Variants in SHISA9 observed in about 807,000 individuals in gnomAD.
SHISA9 encodes protein shisa-9.
SHISA9 carries 13 observed loss-of-function variants against 38.0 expected under a neutral mutation model. That is an observed-to-expected ratio of 0.34 (90% CI 0.22 to 0.54). SHISA9 has a LOEUF of 0.54. Among genes scored for constraint, SHISA9 ranks in the 20% least tolerant of loss-of-function variants. The probability of loss-of-function intolerance (pLI) is 0.91; values close to 1 mark genes in which losing one functional copy is unlikely to be tolerated. For missense variants in SHISA9, 538 were observed against 575.8 expected (o/e 0.93, Z 0.67); for synonymous variants, 275 against 242.0 (o/e 1.14, Z -1.27).
chr16:13,169,339 G>A (rs1019806119), intron 2 of SHISA9, among the ~76,000 whole-genome samples: 18 of 152,148 alleles, frequency 1.2e-4, no homozygotes, highest in South Asian at 1.0e-3. Context: ...AGACAGATGC[G>A]TTCCCTTTTC....
At chr16:12,982,900 G>A (rs1411204224) in intron 2 of SHISA9, among the ~76,000 whole-genome samples, 2 of 152,190 alleles carry the variant, frequency 1.3e-5, no homozygotes, top group Non-Finnish European at 2.9e-5. Flanking sequence ...CTCGCTTCTA[G>A]CTGTCCTGAT....
At chr16:13,426,952 A>G in the SHISA9 span, among the ~76,000 whole-genome samples, 1 of 152,146 alleles carries the variant, frequency 6.6e-6, no homozygotes. Flanking sequence ...CAACCCCCAA[A>G]TCCTGGAGGC....
intron 2 of SHISA9, among the ~76,000 whole-genome samples, chr16:13,094,828 C>T (rs2073809894): frequency 6.6e-6 from 1 of 152,120 alleles, no homozygotes; most frequent in African/African-American, 2.4e-5. Context: ...GCTGTGTATC[C>T]TTGGGCAATT....
the SHISA9 span, among the ~76,000 whole-genome samples, chr16:13,453,479 A>G: frequency 6.6e-6 from 1 of 152,026 alleles, no homozygotes; most frequent in Non-Finnish European, 1.5e-5. Flanking sequence ...GGCTTTGCTC[A>G]CTCTTGAATC....
At chr16:13,170,981 TAAAA>T (rs902145972) in intron 2 of SHISA9, among the ~76,000 whole-genome samples, 2 of 151,602 alleles carry the variant, frequency 1.3e-5, no homozygotes, top group Non-Finnish European at 2.9e-5. Flanking sequence ...AAGGAAAAAA[TAAAA>T]AAAGAAAAAG....
chr16:12,957,393 G>A (rs1253599415), intron 2 of SHISA9, among the ~76,000 whole-genome samples: 1 of 152,158 alleles, frequency 6.6e-6, no homozygotes, highest in East Asian at 1.9e-4. Context: ...TCCGGAGGCT[G>A]GAAGTCTGAG....
At chr16:12,981,278 A>G (rs1252398710) in intron 2 of SHISA9, among the ~76,000 whole-genome samples, 1 of 152,168 alleles carries the variant, frequency 6.6e-6, no homozygotes, top group Non-Finnish European at 1.5e-5. Flanking sequence ...CAGAACTTTT[A>G]CCCAGCCCTG....
At chr16:12,979,516 T>C (rs1330201921) in intron 2 of SHISA9, among the ~76,000 whole-genome samples, 2 of 152,202 alleles carry the variant, frequency 1.3e-5, no homozygotes, top group South Asian at 2.1e-4. Flanking sequence ...TCTAACCACA[T>C]AGTTTTGTAT....
chr16:12,921,111 G>T (rs1211612665), intron 2 of SHISA9, among the ~76,000 whole-genome samples: 3 of 152,192 alleles, frequency 2.0e-5, no homozygotes, highest in African/African-American at 7.2e-5. Flanking sequence ...ATAGGACAAA[G>T]ACTTTCATAT....
At chr16:13,243,037 G>A (rs369057110), downstream of SHISA9, among the ~76,000 whole-genome samples, 16 of 152,116 alleles carry the variant, frequency 1.1e-4, no homozygotes, top group South Asian at 2.7e-3. Context: ...TCAGGAGTTC[G>A]AGACCAGCCT....
At chr16:13,463,351 G>A in the SHISA9 span, among the ~76,000 whole-genome samples, 4 of 152,186 alleles carry the variant, frequency 2.6e-5, no homozygotes, top group Non-Finnish European at 4.4e-5. Flanking sequence ...GAGAGGCAGC[G>A]TGCAGGTGGA....
the SHISA9 span, among the ~76,000 whole-genome samples, chr16:13,381,525 T>C: frequency 1.3e-5 from 2 of 152,222 alleles, no homozygotes; most frequent in Admixed American, 6.5e-5. Context: ...AGTCATTTAA[T>C]GAACAAGTTA....
the SHISA9 span, among the ~76,000 whole-genome samples, chr16:13,556,384 G>A: frequency 7.2e-5 from 11 of 152,074 alleles, no homozygotes; most frequent in Non-Finnish European, 1.6e-4. Context: ...GAATCATTCC[G>A]CTTTTCACTT....
At chr16:13,441,765 T>C in the SHISA9 span, among the ~76,000 whole-genome samples, 3 of 152,134 alleles carry the variant, frequency 2.0e-5, no homozygotes, top group Non-Finnish European at 2.9e-5. Context: ...GCCGTCCCTA[T>C]TGAAGTCACC....
At chr16:13,401,318 C>T in the SHISA9 span, among the ~76,000 whole-genome samples, 3 of 152,202 alleles carry the variant, frequency 2.0e-5, no homozygotes, top group African/African-American at 7.2e-5. Flanking sequence ...CATCCAGGCA[C>T]ACTGGAGGAG....
the SHISA9 span, among the ~76,000 whole-genome samples, chr16:13,554,512 CTT>C: frequency 7.4e-6 from 1 of 134,552 alleles, no homozygotes; most frequent in Non-Finnish European, 1.6e-5. Flanking sequence ...CTTTTCTTCT[CTT>C]TCTTTTTTTT....
rs1357655536 is a variant in SHISA9 at position 13,196,351 on chromosome 16, T to C, written c.692-7043T>C. On this transcript the variant is annotated intron_variant, in intron 2 of 4. Transcript: ENST00000558583. Reference sequence around the variant, plus strand: ...GGCGGAGCTTGCAGTGAGCCGAGATTGCACCACTGCACTCCAGCCTGGGCG... The same window carrying C: ...GGCGGAGCTTGCAGTGAGCCGAGATCGCACCACTGCACTCCAGCCTGGGCG... Among the ~76,000 whole-genome samples the C allele has an allele frequency of 2.8e-5, 4 of 142,498 alleles. No individual in the cohort carries two copies. The East Asian group carries it at 8.3e-4, about 30-fold the overall frequency. 93.5% of individuals were successfully genotyped at this position (142,498 alleles called of 152,430 possible). A position where few individuals can be genotyped will look rare whatever the true frequency, so the allele number is the denominator to read the frequency against.
chr16:12,925,846 C>CT (rs1007149799), intron 2 of SHISA9, among the ~76,000 whole-genome samples: 19 of 152,008 alleles, frequency 1.2e-4, no homozygotes, highest in Admixed American at 7.9e-4. Flanking sequence ...AAAACAATTG[C>CT]TTTTTTTCTG....
At chr16:13,499,477 G>A in the SHISA9 span, among the ~76,000 whole-genome samples, 1 of 152,128 alleles carries the variant, frequency 6.6e-6, no homozygotes, top group African/African-American at 2.4e-5. Flanking sequence ...TACAAATTGT[G>A]AGTACATAGA....
Sources: gnomAD v4.1 joint callset for allele counts (sites outside exome capture counted in the v4.1 genomes callset) on GRCh38, gnomAD v4.1.1 for gene constraint, MANE v1.5 for transcripts, NCBI Gene and HGNC (gene_info 2026-07-23, HGNC 2026-07-21) for gene names.